ADK: variants seen among roughly 807,000 people sequenced by gnomAD.
The protein encoded by ADK is N6,N6-dimethyladenosine kinase.
Under a neutral mutation model 44.7 loss-of-function variants are expected in ADK, and 24 were observed. That is an observed-to-expected ratio of 0.54 (90% CI 0.39 to 0.76). ADK has a LOEUF of 0.76. ADK is among the 30% of genes least tolerant of loss of function. The pLI is 0.00. For synonymous variants in ADK, 128 were observed against 142.6 expected (o/e 0.90, Z 0.73); for missense variants, 321 against 425.1 (o/e 0.76, Z 2.15).
At chr10:74,321,670 T>C (rs1840813341) in intron 4 of ADK, among the ~76,000 whole-genome samples, 1 of 152,228 alleles carries the variant, frequency 6.6e-6, no homozygotes, top group Non-Finnish European at 1.5e-5. Context: ...TCCATATTTG[T>C]ATTTAACTTC....
intron 10 of ADK, among the ~76,000 whole-genome samples, chr10:74,680,128 C>T (rs1564849239): frequency 1.3e-5 from 2 of 151,958 alleles, no homozygotes; most frequent in Admixed American, 6.5e-5. Context: ...TCCTGGCTAA[C>T]AAGGTGAAAC....
chr10:74,618,074 C>A (rs1381605076), intron 9 of ADK, among the ~76,000 whole-genome samples: 1 of 149,500 alleles, frequency 6.7e-6, no homozygotes, highest in Non-Finnish European at 1.5e-5. Context: ...TTTTTTCATT[C>A]CTTTATTTTC....
intron 7 of ADK, among the ~76,000 whole-genome samples, chr10:74,574,543 G>T (rs1851115659): frequency 6.6e-6 from 1 of 152,106 alleles, no homozygotes; most frequent in Non-Finnish European, 1.5e-5. Context: ...TTGATATCCA[G>T]TATCTACCAG....
chr10:74,367,106 C>T (rs908036188), intron 4 of ADK, among the ~76,000 whole-genome samples: 1 of 152,110 alleles, frequency 6.6e-6, no homozygotes, highest in Non-Finnish European at 1.5e-5. Context: ...CTATAGAAAG[C>T]ATAAAAACTG....
At position 74,682,574 on chromosome 10, in the gene ADK, T is replaced by G. The variant is rs1274290232; in HGVS notation, c.964+12305T>G. Reference sequence around the variant, plus strand: ...GCTTTAGTTTTCTTTTCTTTTCTTTTCTTTTTTTTTTTTTTTTGAGACGGA... The same window carrying G: ...GCTTTAGTTTTCTTTTCTTTTCTTTGCTTTTTTTTTTTTTTTTGAGACGGA... On this transcript the variant is annotated intron_variant, in intron 10 of 10. Coordinates refer to ENST00000539909, the MANE Select transcript of ADK (RefSeq NM_006721.4). Among the ~76,000 whole-genome samples the G allele has an allele frequency of 4.9e-5, 4 of 81,846 alleles. No individual in the cohort carries two copies. The East Asian group carries it at 9.3e-4, about 19-fold the overall frequency. The allele number at this position is 81,846 out of a possible 152,430, so 53.7% of individuals were successfully genotyped here. A position where few individuals can be genotyped will look rare whatever the true frequency, so the allele number is the denominator to read the frequency against.
chr10:74,166,309 G>A (rs1368687750), intron 1 of ADK, among the ~76,000 whole-genome samples: 2 of 152,128 alleles, frequency 1.3e-5, no homozygotes, highest in Non-Finnish European at 2.9e-5. Context: ...AAATGTTCTA[G>A]TTAAGAACAA....
intron 6 of ADK, among the ~76,000 whole-genome samples, chr10:74,489,826 T>A (rs1452614133): frequency 1.3e-5 from 2 of 152,014 alleles, no homozygotes; most frequent in Non-Finnish European, 2.9e-5. Flanking sequence ...CTAGGACACA[T>A]TATTATATCT....
intron 3 of ADK, among the ~76,000 whole-genome samples, chr10:74,225,831 C>T (rs374321625): frequency 6.4e-4 from 97 of 151,918 alleles, no homozygotes; most frequent in Non-Finnish European, 1.2e-3. Flanking sequence ...CAGTGAGGGC[C>T]GGTGATTGTT....
At chr10:74,692,151 C>T (rs1564854974) in intron 10 of ADK, among the ~76,000 whole-genome samples, 1 of 152,022 alleles carries the variant, frequency 6.6e-6, no homozygotes, top group African/African-American at 2.4e-5. Flanking sequence ...TAAACATTAT[C>T]GATACAATAA....
chr10:74,695,619 G>GGGGT lies in ADK; in HGVS notation c.965-12701_965-12700insGGTG, dbSNP rs1480624866. Among the ~76,000 whole-genome samples the GGGGT allele has an allele frequency of 1.7e-3, 149 of 90,118 alleles. 1 individual carries two copies. Among genetic ancestry groups the GGGGT allele is most frequent in the East Asian group, 5.0e-3 (22 of 4,362 alleles). 59.1% of individuals were successfully genotyped at this position (90,118 alleles called of 152,430 possible). The stretch of plus-strand genomic sequence containing the variant: ...TTTTACAATTCCTGTGTATGTGTGG[G>GGGGT]GTGTGTGTGTGTGTGTGTGTGTGTG... On this transcript the variant is annotated intron_variant, in intron 10 of 10. Coordinates refer to ENST00000539909, the MANE Select transcript of ADK (RefSeq NM_006721.4).
chr10:74,276,948 C>A (rs996001252), intron 3 of ADK, among the ~76,000 whole-genome samples: 1 of 150,946 alleles, frequency 6.6e-6, no homozygotes, highest in African/African-American at 2.4e-5. Flanking sequence ...GACGGAGTCT[C>A]AGTCTGTTGC....
intron 9 of ADK, among the ~76,000 whole-genome samples, chr10:74,651,795 C>T (rs1379025020): frequency 2.0e-5 from 3 of 152,106 alleles, no homozygotes; most frequent in African/African-American, 7.2e-5. Context: ...TCCAGCACAC[C>T]ACTGACAGTT....
At chr10:74,525,567 C>G in intron 7 of ADK, 141 bp downstream of exon 7, 1 of 714,870 alleles carries the variant, frequency 1.4e-6, no homozygotes, top group Non-Finnish European at 2.3e-6. Flanking sequence ...AACAAAATTG[C>G]CTCAATGTCA....
At chr10:74,546,600 T>C (rs554736012) in intron 7 of ADK, among the ~76,000 whole-genome samples, 1 of 152,302 alleles carries the variant, frequency 6.6e-6, no homozygotes, top group East Asian at 1.9e-4. Context: ...AATTTTAAGT[T>C]AGATCATTTA....
intron 9 of ADK, among the ~76,000 whole-genome samples, chr10:74,607,842 A>T (rs1202298827): frequency 6.6e-6 from 1 of 152,030 alleles, no homozygotes; most frequent in Non-Finnish European, 1.5e-5. Context: ...ACTTGGTTCC[A>T]TTCTCCCCAT....
chr10:74,708,497 T>C lies in ADK; in HGVS notation c.*52T>C, dbSNP rs767295102. 3.3e-5 allele frequency: 53 copies of C among 1,591,746 alleles called. No individual in the cohort carries two copies. The African/African-American group carries it at 6.3e-4, about 19-fold the overall frequency. ...GAGTGCAGACACTGCCCTAATTGCTTCCTGAGAATTCCCATATTAATAAAG... is the reference window on the plus strand; with the variant it reads ...GAGTGCAGACACTGCCCTAATTGCTCCCTGAGAATTCCCATATTAATAAAG... On this transcript the variant is annotated 3_prime_UTR_variant, in exon 11 of 11. Coordinates refer to ENST00000539909, the MANE Select transcript of ADK (RefSeq NM_006721.4).
chr10:74,262,687 G>T (rs7914995), intron 3 of ADK, among the ~76,000 whole-genome samples: 5,401 of 86,394 alleles, frequency 0.063, 347 homozygotes, highest in African/African-American at 0.17. Context: ...GTCATGTTGT[G>T]ATACTCTTTG....
intron 1 of ADK, among the ~76,000 whole-genome samples, chr10:74,189,197 C>T (rs1842877191): frequency 2.0e-5 from 3 of 152,076 alleles, no homozygotes; most frequent in Non-Finnish European, 4.4e-5. Context: ...ATTTCTATTT[C>T]CATTGTGATT....
At chr10:74,593,081 CTT>C (rs1487637719) in intron 8 of ADK, among the ~76,000 whole-genome samples, 2 of 152,096 alleles carry the variant, frequency 1.3e-5, no homozygotes, top group Admixed American at 6.5e-5. Context: ...CCTTAGGTGA[CTT>C]TTAGGTTCCT....
Sources: allele counts gnomAD v4.1 joint callset (sites outside exome capture counted in the v4.1 genomes callset), GRCh38; gene constraint gnomAD v4.1.1; transcripts MANE v1.5; gene names NCBI Gene and HGNC (gene_info 2026-07-23, HGNC 2026-07-21).